LRCH1: variants seen among roughly 807,000 people sequenced by gnomAD.
LRCH1 encodes the protein leucine rich repeats and calponin homology domain containing 1, also known as leucine-rich repeat and calponin homology domain-containing protein 1.
LRCH1 carries 23 observed loss-of-function variants against 94.9 expected under a neutral mutation model. The observed-to-expected ratio is 0.24, with a 90% CI of 0.17 to 0.34. The LOEUF is 0.34. LRCH1 is among the 10% of genes least tolerant of loss of function. The probability of loss-of-function intolerance (pLI) is 1.00; values close to 1 mark genes in which losing one functional copy is unlikely to be tolerated. For missense variants in LRCH1, 790 were observed against 945.9 expected (o/e 0.84, Z 2.16); for synonymous variants, 364 against 354.9 (o/e 1.03, Z -0.29).
At chr13:46,750,138 G>A (rs545537912) in intron 18 of LRCH1, among the ~76,000 whole-genome samples, 10 of 152,194 alleles carry the variant, frequency 6.6e-5, no homozygotes, top group South Asian at 6.2e-4. Context: ...ATGTGTGGTC[G>A]GTACAAATGA....
At chr13:46,676,189 A>G (rs2138132119) in intron 3 of LRCH1, among the ~76,000 whole-genome samples, 1 of 151,868 alleles carries the variant, frequency 6.6e-6, no homozygotes, top group Admixed American at 6.5e-5. Context: ...TGAACCTGGG[A>G]GGTGGAGGTT....
At chr13:46,706,894 T>A (rs1056614912) in intron 13 of LRCH1, among the ~76,000 whole-genome samples, 1 of 152,256 alleles carries the variant, frequency 6.6e-6, no homozygotes, top group Non-Finnish European at 1.5e-5. Context: ...CAGTTCTTTT[T>A]CTGAAACACA....
chr13:46,736,040 G>A (rs534184056), intron 19 of LRCH1, among the ~76,000 whole-genome samples: 3 of 151,704 alleles, frequency 2.0e-5, no homozygotes, highest in South Asian at 2.1e-4. Flanking sequence ...CAGGTGATCC[G>A]CCTGCCTCAG....
intron 2 of LRCH1, among the ~76,000 whole-genome samples, chr13:46,667,577 A>T (rs2051535193): frequency 6.6e-6 from 1 of 151,924 alleles, no homozygotes; most frequent in East Asian, 1.9e-4. Flanking sequence ...ACCTAATGTA[A>T]ATGACAAGTT....
At chr13:46,643,709 C>T (rs1483303256) in intron 1 of LRCH1, among the ~76,000 whole-genome samples, 1 of 152,126 alleles carries the variant, frequency 6.6e-6, no homozygotes, top group African/African-American at 2.4e-5. Flanking sequence ...TTTTTGCACC[C>T]TCTTCCTCTC....
At chr13:46,595,207 T>C (rs574389548) in intron 1 of LRCH1, among the ~76,000 whole-genome samples, 1 of 152,306 alleles carries the variant, frequency 6.6e-6, no homozygotes, top group East Asian at 1.9e-4. Context: ...TTAATGAATG[T>C]AACCGCAGAT....
chr13:46,651,806 T>A (rs911749890), intron 2 of LRCH1, among the ~76,000 whole-genome samples: 5 of 149,618 alleles, frequency 3.3e-5, no homozygotes, highest in Admixed American at 3.3e-4. Context: ...GTTCACACCA[T>A]TCTCCTGCCT....
intron 10 of LRCH1, among the ~76,000 whole-genome samples, chr13:46,699,643 A>G (rs1008004270): frequency 7.9e-5 from 12 of 152,172 alleles, no homozygotes; most frequent in African/African-American, 2.7e-4. Context: ...TGCGGGTAGT[A>G]ATGTGATTTC....
chr13:46,692,545 G>A lies in LRCH1; in HGVS notation c.1024G>A (p.Glu342Lys), dbSNP rs774098722. The A allele has an allele frequency of 8.1e-6, 13 of 1,612,996 alleles. No homozygotes were observed. The Admixed American group carries it at 1.2e-4, about 14-fold the overall frequency. ...CACTGTATCTTTTTAGCCTTCTGAC[G>A]AAGACACTGTTAGCCTCAATGTGCC... The part of the protein sequence containing the change: ...KRLSATEPSD[E>K]DTVSLNVPMS... Residue 342 changes from glutamate (E) to lysine (K), a missense_variant, in exon 8 of 20, where the codon GAA becomes AAA. By Grantham distance (56) the Glu-to-Lys change is moderately conservative. This residue lies in a region of LRCH1 where 194 missense variants were observed against 293.5 expected (regional missense o/e 0.66). Coordinates refer to ENST00000389797, the MANE Select transcript of LRCH1 (RefSeq NM_001164211.2).
intron 1 of LRCH1, among the ~76,000 whole-genome samples, chr13:46,557,590 G>A (rs955246344): frequency 5.4e-5 from 8 of 148,308 alleles, no homozygotes; most frequent in African/African-American, 1.7e-4. Flanking sequence ...CTCCTGTAAC[G>A]CCTGCACTTT....
At chr13:46,701,275 C>A in intron 11 of LRCH1, 68 bp downstream of exon 11, 1 of 1,124,748 alleles carries the variant, frequency 8.9e-7, no homozygotes, top group South Asian at 1.3e-5. Context: ...AGTACATTGT[C>A]TAAATTCCTA....
intron 1 of LRCH1, among the ~76,000 whole-genome samples, chr13:46,600,076 G>A (rs2050609987): frequency 6.6e-6 from 1 of 152,248 alleles, no homozygotes; most frequent in South Asian, 2.1e-4. Context: ...AGTAGAGACA[G>A]GGTTTCACCA....
At chr13:46,656,831 A>C (rs764472594) in intron 2 of LRCH1, among the ~76,000 whole-genome samples, 3 of 152,248 alleles carry the variant, frequency 2.0e-5, no homozygotes, top group Non-Finnish European at 4.4e-5. Flanking sequence ...GGTAGCTGAC[A>C]GGCTTTATAA....
At chr13:46,715,969 T>C (rs757741250) in intron 16 of LRCH1, among the ~76,000 whole-genome samples, 1 of 152,008 alleles carries the variant, frequency 6.6e-6, no homozygotes, top group Non-Finnish European at 1.5e-5. Flanking sequence ...TATTTGGGGT[T>C]TGCACATTTG....
chr13:46,586,196 AAGAG>A (rs897649566), intron 1 of LRCH1, among the ~76,000 whole-genome samples: 85 of 152,198 alleles, frequency 5.6e-4, no homozygotes, highest in African/African-American at 1.1e-3. Flanking sequence ...TGCAAAAAGA[AAGAG>A]AGAGAGGAAG....
rs2051361314 is a variant in LRCH1, at chr13:46,655,685, A to G, written c.452+5340A>G. ...TGTTGTTGATGAGCCTCATGAAGAA[A>G]ATGTACCATAGGAAAATAAAATAAC... is the stretch of plus-strand genomic sequence containing the variant. On this transcript the variant is annotated intron_variant, in intron 2 of 19. Coordinates refer to ENST00000389797, the MANE Select transcript of LRCH1 (RefSeq NM_001164211.2). Among the ~76,000 whole-genome samples, 5 of 152,286 alleles carry G rather than the reference A, an allele frequency of 3.3e-5. No individual in the cohort carries two copies. The South Asian group carries it at 8.3e-4, about 25-fold the overall frequency.
chr13:46,729,424 G>A (rs371412754), intron 18 of LRCH1, among the ~76,000 whole-genome samples: 13 of 151,794 alleles, frequency 8.6e-5, no homozygotes, highest in South Asian at 2.1e-4. Context: ...ATGGTGGCAC[G>A]CACCTGTGGT....
chr13:46,690,911 ATTCTTT>A (rs1212168853), intron 7 of LRCH1, among the ~76,000 whole-genome samples: 2 of 152,354 alleles, frequency 1.3e-5, no homozygotes, highest in East Asian at 3.9e-4. Context: ...ATCACACCTC[ATTCTTT>A]TTCTTTGGCT....
chr13:46,727,962 G>T (rs1327250629), intron 17 of LRCH1, among the ~76,000 whole-genome samples: 1 of 150,718 alleles, frequency 6.6e-6, no homozygotes, highest in Non-Finnish European at 1.5e-5. Context: ...TGTCAACCAG[G>T]TTGGAGTGCA....
Sources: allele counts gnomAD v4.1 joint callset (sites outside exome capture counted in the v4.1 genomes callset), GRCh38; gene constraint gnomAD v4.1.1; regional missense constraint gnomAD v4.1.1; transcripts MANE v1.5; gene names NCBI Gene and HGNC (gene_info 2026-07-23, HGNC 2026-07-21).